ZPBP: variants seen among roughly 807,000 people sequenced by gnomAD.
The protein encoded by ZPBP is zona pellucida-binding protein 1.
ZPBP carries 26 observed loss-of-function variants against 44.8 expected under a neutral mutation model. That is an observed-to-expected ratio of 0.58 (90% CI 0.43 to 0.81). The LOEUF is 0.81. Ranked by LOEUF, ZPBP falls within the 30% of genes least tolerant of loss-of-function variation. The pLI is 0.00. For missense variants in ZPBP, 409 were observed against 434.0 expected (o/e 0.94, Z 0.51); for synonymous variants, 174 against 153.2 (o/e 1.14, Z -1.00).
intron 1 of ZPBP, among the ~76,000 whole-genome samples, chr7:49,925,312 AG>A (rs1794194106): frequency 6.6e-6 from 1 of 152,254 alleles, no homozygotes; most frequent in South Asian, 2.1e-4. Context: ...GACAGGGGCC[AG>A]ATGGCACTAA....
chr7:49,859,792 A>ACG (rs1350356946), intron 2 of ZPBP, among the ~76,000 whole-genome samples: 2 of 44,338 alleles, frequency 4.5e-5, no homozygotes, highest in Admixed American at 2.4e-4. Flanking sequence ...GCGTGCGTGC[A>ACG]CACACACACA....
rs561151046 is a variant in ZPBP at position 50,002,660 on chromosome 7, A to T, written c.783+15580T>A. Among the ~76,000 whole-genome samples the T allele has an allele frequency of 1.1e-3, 168 of 152,334 alleles. 1 individual carries two copies. Among genetic ancestry groups the T allele is most frequent in the South Asian group, 4.8e-3 (23 of 4,830 alleles). On this transcript the variant is annotated intron_variant, in intron 6 of 7. Transcript: ENST00000046087. ...TGCTACTTCTTAATACCACCAGAAT[A>T]GAAAAGCTGAACATTCACAGGACTT... is the stretch of plus-strand genomic sequence containing the variant.
At chr7:49,939,310 C>A (rs1301417242) in intron 7 of ZPBP, among the ~76,000 whole-genome samples, 4 of 152,128 alleles carry the variant, frequency 2.6e-5, no homozygotes, top group African/African-American at 9.7e-5. Context: ...AGCATAAAAT[C>A]ATCTAAATAC....
chr7:50,091,551 G>C (rs1802993183), intron 1 of ZPBP, among the ~76,000 whole-genome samples: 1 of 152,110 alleles, frequency 6.6e-6, no homozygotes, highest in African/African-American at 2.4e-5. Flanking sequence ...GATAATATCA[G>C]AAAAACCCTT....
At chr7:50,047,963 C>A (rs1382050777) in intron 4 of ZPBP, among the ~76,000 whole-genome samples, 3 of 152,088 alleles carry the variant, frequency 2.0e-5, no homozygotes, top group Non-Finnish European at 4.4e-5. Context: ...CTATTGATAA[C>A]CTTAACCTCA....
At chr7:50,087,036 A>G (rs1268264449) in intron 2 of ZPBP, among the ~76,000 whole-genome samples, 1 of 152,094 alleles carries the variant, frequency 6.6e-6, no homozygotes, top group African/African-American at 2.4e-5. Flanking sequence ...GCCTTAAATG[A>G]GTGATTAAAC....
At chr7:50,008,908 C>T (rs1454074696) in intron 6 of ZPBP, among the ~76,000 whole-genome samples, 1 of 151,890 alleles carries the variant, frequency 6.6e-6, no homozygotes, top group Non-Finnish European at 1.5e-5. Context: ...AGGCACAGTG[C>T]TCATTTTGCA....
At chr7:50,018,405 A>T in intron 5 of ZPBP, 89 bp from the exon 6 acceptor site, 3 of 1,068,276 alleles carry the variant, frequency 2.8e-6, no homozygotes, top group Non-Finnish European at 4.2e-6. Flanking sequence ...GGATATTCTA[A>T]CATTTCTCTT....
intron 7 of ZPBP, among the ~76,000 whole-genome samples, chr7:49,970,615 C>A (rs966691446): frequency 6.6e-6 from 1 of 150,846 alleles, no homozygotes; most frequent in Non-Finnish European, 1.5e-5. Context: ...GTGTATTTTC[C>A]AGTCAGAGCA....
intron 3 of ZPBP, among the ~76,000 whole-genome samples, chr7:50,064,040 C>T (rs928472342): frequency 3.3e-5 from 5 of 152,066 alleles, no homozygotes; most frequent in Admixed American, 6.5e-5. Flanking sequence ...GGACCTGCCC[C>T]GATAATTACG....
intron 2 of ZPBP, among the ~76,000 whole-genome samples, chr7:49,851,935 G>A (rs1790195776): frequency 6.6e-6 from 1 of 152,132 alleles, no homozygotes; most frequent in Non-Finnish European, 1.5e-5. Context: ...CTAAAGTTCA[G>A]TGGGCTCTTT....
At chr7:49,931,677 A>C (rs6963633) in intron 1 of ZPBP, among the ~76,000 whole-genome samples, 1 of 152,206 alleles carries the variant, frequency 6.6e-6, no homozygotes, top group Non-Finnish European at 1.5e-5. Flanking sequence ...TCTGGGGAGA[A>C]ATTCAAGCCA....
chr7:49,889,323 T>C (rs17664027), intron 2 of ZPBP, among the ~76,000 whole-genome samples: 28,871 of 152,292 alleles, frequency 0.19, 3,840 homozygotes, highest in East Asian at 0.64. Flanking sequence ...CGGCATGTCA[T>C]AGTAACCAGT....
intron 6 of ZPBP, among the ~76,000 whole-genome samples, chr7:50,010,908 C>CAAAAA (rs71554292): frequency 0.03 from 2,678 of 90,438 alleles, no homozygotes; most frequent in African/African-American, 0.053. Flanking sequence ...CAAGACCAAG[C>CAAAAA]AAAAAAAAAA....
chr7:49,936,460 C>T (rs1794623151), downstream of ZPBP, among the ~76,000 whole-genome samples: 1 of 152,180 alleles, frequency 6.6e-6, no homozygotes, highest in African/African-American at 2.4e-5. Flanking sequence ...AAGTCTAACA[C>T]ATCCTAGGTA....
intron 5 of ZPBP, among the ~76,000 whole-genome samples, chr7:50,020,650 C>A (rs1799052740): frequency 1.3e-5 from 2 of 151,914 alleles, no homozygotes; most frequent in South Asian, 4.1e-4. Flanking sequence ...GATAAGTTTT[C>A]TACAAGATTA....
chr7:49,923,898 T>G, intron 1 of ZPBP, among the ~76,000 whole-genome samples: 1 of 152,110 alleles, frequency 6.6e-6, no homozygotes, highest in East Asian at 1.9e-4. Context: ...CCAAGGCAGG[T>G]GGATCACCTG....
chr7:49,999,928 C>T (rs564451196), intron 6 of ZPBP, among the ~76,000 whole-genome samples: 12 of 152,100 alleles, frequency 7.9e-5, no homozygotes, highest in East Asian at 1.9e-4. Context: ...TCTTTCTTCT[C>T]GCCAAATTTT....
intron 7 of ZPBP, among the ~76,000 whole-genome samples, chr7:49,980,154 ATATAT>A (rs1354853683): frequency 4.4e-5 from 5 of 114,688 alleles, no homozygotes; most frequent in East Asian, 2.3e-4. Flanking sequence ...TATTATAATT[ATATAT>A]TATATTATAA....
Sources: gnomAD v4.1 joint callset for allele counts (sites outside exome capture counted in the v4.1 genomes callset) on GRCh38, gnomAD v4.1.1 for gene constraint, MANE v1.5 for transcripts, NCBI Gene and HGNC (gene_info 2026-07-23, HGNC 2026-07-21) for gene names.